The following ZEB2 variants were observed in gnomAD, a reference collection of about 807,000 sequenced individuals.
The protein encoded by ZEB2 is zinc finger E-box binding homeobox 2, also known as zinc finger E-box-binding homeobox 2.
Under a neutral mutation model 99.9 loss-of-function variants are expected in ZEB2, and 6 were observed. The ratio of observed to expected loss-of-function variants is 0.06; its 90% CI spans 0.03 to 0.12. The LOEUF is 0.12. Ranked by LOEUF, ZEB2 falls within the 10% of genes least tolerant of loss-of-function variation. The pLI, the probability that ZEB2 is intolerant of heterozygous loss-of-function variation, is 1.00. For missense variants in ZEB2, 969 were observed against 1,502.8 expected (o/e 0.64, Z 5.87); for synonymous variants, 517 against 542.5 (o/e 0.95, Z 0.65).
intron 2 of ZEB2, among the ~76,000 whole-genome samples, chr2:144,478,968 A>G (rs1343566610): frequency 6.6e-6 from 1 of 152,234 alleles, no homozygotes; most frequent in Non-Finnish European, 1.5e-5. Flanking sequence ...ACAGTAACGT[A>G]TAAAAATGTT....
At chr2:144,498,557 T>TG (rs1704823031) in intron 2 of ZEB2, among the ~76,000 whole-genome samples, 1 of 152,116 alleles carries the variant, frequency 6.6e-6, no homozygotes, top group Non-Finnish European at 1.5e-5. Flanking sequence ...CAAGAGCTGG[T>TG]GAAAGGAGAG....
At chr2:144,395,537 T>C (rs965244689) in intron 9 of ZEB2, among the ~76,000 whole-genome samples, 16 of 152,198 alleles carry the variant, frequency 1.1e-4, no homozygotes, top group Admixed American at 7.9e-4. Flanking sequence ...TAATAGAGCA[T>C]GCCAAATTTC....
intron 4 of ZEB2, among the ~76,000 whole-genome samples, chr2:144,418,609 A>G (rs1044258715): frequency 1.3e-5 from 2 of 151,806 alleles, no homozygotes; most frequent in Admixed American, 1.3e-4. Flanking sequence ...AATTGCTTGA[A>G]CCCAGGAGGC....
At chr2:144,512,337 G>T in intron 2 of ZEB2, 1 of 1,287,230 alleles carries the variant, frequency 7.8e-7, no homozygotes, top group Non-Finnish European at 1.0e-6. Flanking sequence ...GCAAGGAAAA[G>T]AATCTCCCAC....
chr2:144,419,815 A>T (rs1703595473), intron 4 of ZEB2, among the ~76,000 whole-genome samples: 1 of 152,204 alleles, frequency 6.6e-6, no homozygotes, highest in East Asian at 1.9e-4. Flanking sequence ...TGGTGAACTT[A>T]TGCAATGTGG....
chr2:144,471,836 C>A (rs1456476671), intron 2 of ZEB2, among the ~76,000 whole-genome samples: 1 of 149,972 alleles, frequency 6.7e-6, no homozygotes, highest in Non-Finnish European at 1.5e-5. Context: ...GACAAATTTT[C>A]TTCAGTGCAC....
chr2:144,416,700 A>G (rs565628200), intron 4 of ZEB2, among the ~76,000 whole-genome samples: 1 of 152,274 alleles, frequency 6.6e-6, no homozygotes, highest in African/African-American at 2.4e-5. Context: ...AACCCACTCC[A>G]TCTTTCACCC....
intron 4 of ZEB2, chr2:144,405,484 C>T (rs62169205): frequency 1.1e-5 from 2 of 181,922 alleles, no homozygotes; most frequent in Admixed American, 1.1e-4. Context: ...ACCACAGATA[C>T]ATCCTGTTGC....
At chr2:144,413,390 C>T (rs570001451) in intron 4 of ZEB2, among the ~76,000 whole-genome samples, 4 of 152,174 alleles carry the variant, frequency 2.6e-5, no homozygotes, top group Non-Finnish European at 4.4e-5. Flanking sequence ...TGCTCCTAAT[C>T]GCAAACAAAG....
At chr2:144,451,816 C>T (rs180826026) in intron 2 of ZEB2, among the ~76,000 whole-genome samples, 140 of 152,316 alleles carry the variant, frequency 9.2e-4, no homozygotes, top group African/African-American at 3.2e-3. Flanking sequence ...CTTGGGTTTT[C>T]TATTTGTCCA....
Position 144,389,783 on chromosome 2 carries a change from C to T in ZEB2, c.3313G>A (p.Glu1105Lys), listed in dbSNP as rs769219699. ...AREKGHLEPTELLMNRAYLQS... is the reference protein window; with the variant it reads ...AREKGHLEPTKLLMNRAYLQS... Reference sequence around the variant, plus strand: ...AAGTAAGCCCGGTTCATCAGCAGCTCGGTGGGTTCCAAGTGCCCTTTCTCG... The same window carrying T: ...AAGTAAGCCCGGTTCATCAGCAGCTTGGTGGGTTCCAAGTGCCCTTTCTCG... The change falls in exon 10 of 10, where the codon GAG becomes AAG. Residue 1105 changes from glutamate (E) to lysine (K), a missense_variant. Glu to Lys is a moderately conservative substitution (Grantham distance 56, BLOSUM62 1). Around this residue, in one of 8 missense-constraint regions of ZEB2, gnomAD observed 121 missense variants for 166.4 expected, o/e 0.73. Coordinates refer to ENST00000627532, the MANE Select transcript of ZEB2 (RefSeq NM_014795.4). This position sits in a 1 kb window ranked among gnomAD's most constrained non-coding sequence, Gnocchi z 6.8. 2 of 1,609,640 alleles carry T rather than the reference C, an allele frequency of 1.2e-6. No individual in the cohort carries two copies. Among genetic ancestry groups the T allele is most frequent in the Non-Finnish European group, 1.7e-6 (2 of 1,177,056 alleles).
chr2:144,458,623 AT>A (rs1704153135), intron 2 of ZEB2, among the ~76,000 whole-genome samples: 1 of 152,186 alleles, frequency 6.6e-6, no homozygotes. Flanking sequence ...TGAAAAAAAA[AT>A]CTTGCCCATT....
intron 2 of ZEB2, among the ~76,000 whole-genome samples, chr2:144,465,265 C>T (rs1447220747): frequency 6.6e-6 from 1 of 152,124 alleles, no homozygotes; most frequent in Non-Finnish European, 1.5e-5. Flanking sequence ...GATTTTACTT[C>T]CCTCATGTTT....
chr2:144,497,427 G>A (rs1704778153), intron 2 of ZEB2, among the ~76,000 whole-genome samples: 1 of 152,138 alleles, frequency 6.6e-6, no homozygotes, highest in Admixed American at 6.6e-5. Flanking sequence ...AACAAACACT[G>A]TAGTTTTCTG....
At chr2:144,473,258 A>G (rs1704383494) in intron 2 of ZEB2, among the ~76,000 whole-genome samples, 2 of 152,194 alleles carry the variant, frequency 1.3e-5, no homozygotes, top group African/African-American at 4.8e-5. Context: ...TGGGAGGTCC[A>G]CGATAGGGTG....
chr2:144,467,163 A>T (rs1020341463), intron 2 of ZEB2, among the ~76,000 whole-genome samples: 5 of 110,114 alleles, frequency 4.5e-5, no homozygotes, highest in Admixed American at 1.2e-4. Context: ...ATTGTTAAAT[A>T]AAAAAAAAAA....
At chr2:144,397,805 T>A (rs541464497) in intron 8 of ZEB2, 1 of 264,482 alleles carries the variant, frequency 3.8e-6, no homozygotes, top group South Asian at 3.6e-5. Flanking sequence ...TACACCCAGC[T>A]AATTTTTGTA....
chr2:144,390,897 T>C (rs1327798168), intron 9 of ZEB2, among the ~76,000 whole-genome samples: 3 of 152,212 alleles, frequency 2.0e-5, no homozygotes, highest in Non-Finnish European at 4.4e-5. Context: ...ATAGCTGCCA[T>C]ACTTGAAAGT....
At chr2:144,405,472 T>C (rs192364920) in intron 4 of ZEB2, 65 of 196,510 alleles carry the variant, frequency 3.3e-4, no homozygotes, top group African/African-American at 1.5e-3. Flanking sequence ...TGAGCGTCCC[T>C]AACCACAGAT....
Sources: gnomAD v4.1 joint callset for allele counts (sites outside exome capture counted in the v4.1 genomes callset) on GRCh38, gnomAD v4.1.1 for gene constraint, gnomAD v4.1.1 regional missense constraint, Gnocchi (gnomAD v3.1) non-coding constraint, MANE v1.5 for transcripts, NCBI Gene and HGNC (gene_info 2026-07-23, HGNC 2026-07-21) for gene names.